UNC5D: variants seen among roughly 807,000 people sequenced by gnomAD.
The protein encoded by UNC5D is unc-5 netrin receptor D, also known as netrin receptor UNC5D.
In UNC5D, 39 loss-of-function variants were observed where a neutral mutation model predicts 105.4. The ratio of observed to expected loss-of-function variants is 0.37; its 90% CI spans 0.29 to 0.48. The LOEUF (loss-of-function observed/expected upper bound fraction) is 0.48. UNC5D is among the 20% of genes least tolerant of loss of function. The pLI, the probability that UNC5D is intolerant of heterozygous loss-of-function variation, is 0.98. For missense variants in UNC5D, 991 were observed against 1,202.4 expected, an observed-to-expected ratio of 0.82 and a Z score of 2.60; for synonymous variants, 452 against 450.4, an observed-to-expected ratio of 1.00 and a Z score of -0.04.
chr8:35,544,460 T>C, intron 1 of UNC5D: 1 of 1,613,756 alleles, frequency 6.2e-7, no homozygotes, highest in Non-Finnish European at 8.5e-7. Context: ...GATCCTGGTG[T>C]TAGTTAAAGC....
rs181477538 is a variant in UNC5D, at chr8:35,592,593, G to T, written c.467-2961G>T. On this transcript the variant is annotated intron_variant, in intron 3 of 16. Transcript: ENST00000404895. ...GTCTACTATATTTAGTAGCTAACTT[G>T]AATTTGTTGGTAAGTTTACCCTCCT... is the stretch of plus-strand genomic sequence containing the variant. Among the ~76,000 whole-genome samples the T allele has an allele frequency of 8.3e-4, 126 of 152,254 alleles. 1 individual carries two copies. The highest frequency in any genetic ancestry group is 6.9e-3 in the Admixed American group (105 of 15,292).
intron 1 of UNC5D, among the ~76,000 whole-genome samples, chr8:35,338,701 C>T (rs186726459): frequency 6.6e-6 from 1 of 152,284 alleles, no homozygotes; most frequent in Non-Finnish European, 1.5e-5. Context: ...CTTTTAGACA[C>T]ATTCCAGTTT....
chr8:35,724,911 G>T (rs1014994512), intron 9 of UNC5D, among the ~76,000 whole-genome samples: 1 of 151,934 alleles, frequency 6.6e-6, no homozygotes, highest in Non-Finnish European at 1.5e-5. Context: ...ATGGTACCTG[G>T]GTCTTGATAC....
At chr8:35,785,748 A>G (rs1345107046) in intron 16 of UNC5D, among the ~76,000 whole-genome samples, 3 of 152,196 alleles carry the variant, frequency 2.0e-5, no homozygotes, top group Admixed American at 2.0e-4. Context: ...ATAGACTCAG[A>G]GGCACAAAGA....
At chr8:35,433,943 A>G (rs1476773081) in intron 1 of UNC5D, among the ~76,000 whole-genome samples, 2 of 152,026 alleles carry the variant, frequency 1.3e-5, no homozygotes, top group African/African-American at 2.4e-5. Context: ...ATCTTTATCA[A>G]TTATCTTTCC....
chr8:35,593,046 TACACACACACACACACACAC>T (rs200962371), intron 3 of UNC5D, among the ~76,000 whole-genome samples: 6 of 141,120 alleles, frequency 4.3e-5, no homozygotes, highest in Non-Finnish European at 6.2e-5. Flanking sequence ...GTAGTTTTTA[TACACACACACACACACACAC>T]ACACACACAC....
intron 11 of UNC5D, among the ~76,000 whole-genome samples, chr8:35,739,975 A>AAGTT (rs753777375): frequency 2.6e-5 from 4 of 152,198 alleles, no homozygotes; most frequent in Non-Finnish European, 5.9e-5. Context: ...GGACTCCATA[A>AAGTT]AGTTATATAC....
rs771827306 is a variant in UNC5D, at chr8:35,686,636, G to A, written c.1011G>A (p.Pro337=). Residue 337 remains proline, a synonymous_variant, in exon 7 of 17, where the codon CCG becomes CCA. Transcript: ENST00000404895. ...TCCGGGAGTGCACAGCACCACCCCC[G>A]AGAAATGGGGGCAAATTCTGTGAAG... ...LRIRECTAPP[P]RNGGKFCEGL... is the part of the protein sequence containing the mutation. The A allele has an allele frequency of 2.7e-5, 43 of 1,606,710 alleles. No homozygotes were observed. The highest frequency in any genetic ancestry group is 8.1e-5 in the African/African-American group (6 of 74,130).
At chr8:35,264,504 G>A (rs1362481643) in intron 1 of UNC5D, among the ~76,000 whole-genome samples, 1 of 152,078 alleles carries the variant, frequency 6.6e-6, no homozygotes. Context: ...GAGGTGGGTG[G>A]ATCACCTGAG....
At chr8:35,341,305 C>T (rs935191609) in intron 1 of UNC5D, among the ~76,000 whole-genome samples, 1 of 152,132 alleles carries the variant, frequency 6.6e-6, no homozygotes, top group Non-Finnish European at 1.5e-5. Context: ...GCATGACCTA[C>T]TTAAACAGAA....
intron 1 of UNC5D, among the ~76,000 whole-genome samples, chr8:35,292,988 G>A (rs535878340): frequency 1.3e-5 from 2 of 152,156 alleles, no homozygotes; most frequent in South Asian, 2.1e-4. Context: ...ATGCCTGGCT[G>A]CTGTATTCTT....
chr8:35,316,334 G>A (rs1333731744), intron 1 of UNC5D, among the ~76,000 whole-genome samples: 3 of 152,188 alleles, frequency 2.0e-5, no homozygotes, highest in African/African-American at 4.8e-5. Flanking sequence ...GAAGATTTTA[G>A]TTGGTATAAA....
chr8:35,609,752 G>A (rs189831000), intron 4 of UNC5D, among the ~76,000 whole-genome samples: 2 of 152,310 alleles, frequency 1.3e-5, no homozygotes, highest in East Asian at 1.9e-4. Flanking sequence ...CCATGTTCCA[G>A]CCTCTCCATG....
chr8:35,659,191 G>A (rs1192469088), intron 4 of UNC5D, among the ~76,000 whole-genome samples: 1 of 152,128 alleles, frequency 6.6e-6, no homozygotes, highest in Non-Finnish European at 1.5e-5. Context: ...AGAGTATGGA[G>A]TGTCAGATTT....
rs117394765 is a variant in UNC5D, at chr8:35,236,164, A to G, written c.103+277A>G. On this transcript the variant is annotated intron_variant, in intron 1 of 16. Transcript: ENST00000404895. The stretch of plus-strand genomic sequence containing the variant: ...TGCTCCATTTTCCAAGCCCTCCCCA[A>G]TTGCTGCAGACTGGAGTAGCCCGGT... 4.6e-3 allele frequency among the ~76,000 whole-genome samples: 704 copies of G among 152,066 alleles called. 2 individuals are homozygous for G. The highest frequency in any genetic ancestry group is 7.7e-3 in the Non-Finnish European group (522 of 67,976).
At chr8:35,619,788 T>G (rs1440267491) in intron 4 of UNC5D, among the ~76,000 whole-genome samples, 1 of 152,236 alleles carries the variant, frequency 6.6e-6, no homozygotes, top group Admixed American at 6.5e-5. Context: ...CTCTGCCAGA[T>G]GCTGTGACCA....
intron 1 of UNC5D, among the ~76,000 whole-genome samples, chr8:35,427,912 C>T (rs1806355896): frequency 6.6e-6 from 1 of 152,162 alleles, no homozygotes; most frequent in Non-Finnish European, 1.5e-5. Flanking sequence ...CATGTAAAAA[C>T]TCACTGATGC....
At chr8:35,716,712 G>C (rs867089901) in intron 8 of UNC5D, among the ~76,000 whole-genome samples, 1 of 152,194 alleles carries the variant, frequency 6.6e-6, no homozygotes, top group East Asian at 1.9e-4. Flanking sequence ...TGAGATTTTC[G>C]AGGTTGGGAA....
At chr8:35,546,831 C>T (rs1815719151) in intron 1 of UNC5D, among the ~76,000 whole-genome samples, 1 of 152,078 alleles carries the variant, frequency 6.6e-6, no homozygotes. Context: ...AGATTCCACC[C>T]CGAAACCCCT....
Sources: allele counts gnomAD v4.1 joint callset (sites outside exome capture counted in the v4.1 genomes callset), GRCh38; gene constraint gnomAD v4.1.1; transcripts MANE v1.5; gene names NCBI Gene and HGNC (gene_info 2026-07-23, HGNC 2026-07-21).